Variants in WDR25 observed in about 807,000 individuals in gnomAD.
WDR25 encodes the protein WD repeat-containing protein 25.
A neutral mutation model predicts 47.7 loss-of-function variants in WDR25; 35 were observed. That is an observed-to-expected ratio of 0.73 (90% CI 0.56 to 0.97). The LOEUF is 0.97. Ranked by LOEUF, WDR25 falls within the 50% of genes least tolerant of loss-of-function variation. The pLI is 0.00. For missense variants in WDR25, 634 were observed against 704.7 expected (o/e 0.90, Z 1.14); for synonymous variants, 248 against 278.9 (o/e 0.89, Z 1.10).
intron 4 of WDR25, among the ~76,000 whole-genome samples, chr14:100,524,701 T>G (rs2030028509): frequency 6.6e-6 from 1 of 152,084 alleles, no homozygotes; most frequent in African/African-American, 2.4e-5. Context: ...AGCAGGAGAA[T>G]GAACCGTGGG....
At position 100,428,261 on chromosome 14, in the gene WDR25, T is replaced by C. The variant is rs982209839; in HGVS notation, c.823-39760T>C. Among the ~76,000 whole-genome samples, 1 of 152,240 alleles carries C rather than the reference T, an allele frequency of 6.6e-6. No individual in the cohort carries two copies. Among genetic ancestry groups the C allele is most frequent in the African/African-American group, 2.4e-5 (1 of 41,460 alleles). ...CCTCAGCCTATCTTGGGTCCCCCTC[T>C]GCCTACAGGCAGTGAGTGTGGCCTG... On this transcript the variant is annotated intron_variant, in intron 2 of 6. Coordinates refer to ENST00000402312, the MANE Select transcript of WDR25 (RefSeq NM_001161476.3). The surrounding 1 kb of genome is among the most constrained non-coding windows in gnomAD (Gnocchi z 4.3).
At chr14:100,415,040 G>A (rs1454731548) in intron 2 of WDR25, among the ~76,000 whole-genome samples, 2 of 152,196 alleles carry the variant, frequency 1.3e-5, no homozygotes, top group Non-Finnish European at 2.9e-5. Context: ...TGCTTGCTGA[G>A]GATGATGGGG....
intron 2 of WDR25, among the ~76,000 whole-genome samples, chr14:100,417,319 GC>G (rs1897897135): frequency 6.6e-6 from 1 of 152,258 alleles, no homozygotes. Context: ...CTTGGCACAT[GC>G]CACATGCTTT....
rs1226765543 is a variant in WDR25, at chr14:100,496,828, C to CTTTT, written c.1101+12725_1101+12728dup. Among the ~76,000 whole-genome samples, 460 of 73,408 alleles carry CTTTT rather than the reference C, an allele frequency of 6.3e-3. 12 individuals are homozygous for CTTTT. The highest frequency in any genetic ancestry group is 7.7e-3 in the East Asian group (15 of 1,944). The allele number at this position is 73,408 out of a possible 152,430, so 48.2% of individuals were successfully genotyped here. On this transcript the variant is annotated intron_variant, in intron 4 of 6. Coordinates refer to ENST00000402312, the MANE Select transcript of WDR25 (RefSeq NM_001161476.3). ...TTTCTTTTTCTTTTTTTCTTTAATT[C>CTTTT]TTTTTTTTTTTTTTTTTTTTTTTTG...
intron 3 of WDR25, among the ~76,000 whole-genome samples, chr14:100,470,521 C>G (rs894631274): frequency 6.6e-6 from 1 of 151,980 alleles, no homozygotes; most frequent in African/African-American, 2.4e-5. Flanking sequence ...GGTGTCTTGA[C>G]AGGGGGTTCT....
Position 100,448,887 on chromosome 14 carries a change from G to T in WDR25, c.823-19134G>T, listed in dbSNP as rs75234680. On this transcript the variant is annotated intron_variant, in intron 2 of 6. Transcript: ENST00000402312. Reference sequence around the variant, plus strand: ...CGGAAGGAGTGTCTCATGGGAGACAGGAGAGAAGAGTAGGAGCCAACCAGG... The same window carrying T: ...CGGAAGGAGTGTCTCATGGGAGACATGAGAGAAGAGTAGGAGCCAACCAGG... Among the ~76,000 whole-genome samples, 3 of 152,026 alleles carry T rather than the reference G, an allele frequency of 2.0e-5. No homozygotes were observed. The South Asian group carries it at 6.2e-4, about 32-fold the overall frequency.
intron 3 of WDR25, among the ~76,000 whole-genome samples, chr14:100,474,207 T>G (rs1680444523): frequency 6.6e-6 from 1 of 152,248 alleles, no homozygotes; most frequent in Admixed American, 6.5e-5. Context: ...CTGAAAGTGC[T>G]TCTCCTCTGG....
At chr14:100,458,281 T>A (rs184678167) in intron 2 of WDR25, among the ~76,000 whole-genome samples, 3 of 152,224 alleles carry the variant, frequency 2.0e-5, no homozygotes, top group African/African-American at 4.8e-5. Flanking sequence ...AGTACCAGGA[T>A]AAAGAGACTC....
At chr14:100,480,546 TC>T (rs144660751) in intron 3 of WDR25, among the ~76,000 whole-genome samples, 356 of 152,342 alleles carry the variant, frequency 2.3e-3, no homozygotes, top group African/African-American at 8.2e-3. Context: ...GTAACTACTT[TC>T]TAAAAAATTT....
chr14:100,508,087 G>T (rs923151071), intron 4 of WDR25, among the ~76,000 whole-genome samples: 1 of 152,080 alleles, frequency 6.6e-6, no homozygotes, highest in Non-Finnish European at 1.5e-5. Context: ...GATCAAGTAG[G>T]CTTCATTCCT....
chr14:100,519,239 TG>T (rs991358666), intron 4 of WDR25, among the ~76,000 whole-genome samples: 24 of 150,268 alleles, frequency 1.6e-4, no homozygotes, highest in Admixed American at 7.2e-4. Flanking sequence ...AGAGTTTTTT[TG>T]TGTGTGTGTG....
chr14:100,381,183 G>A lies in WDR25; in HGVS notation c.259G>A (p.Asp87Asn). The stretch of plus-strand genomic sequence containing the variant: ...TCCATTGGCTCAGCTTGGGAGAAGC[G>A]ATTGGGGATCTTGCCCCAGCCAGAG... ...RLPLAQLGRSDWGSCPSQRLQ... is the reference protein window; with the variant it reads ...RLPLAQLGRSNWGSCPSQRLQ... The change falls in exon 2 of 7, where the codon GAT becomes AAT. Residue 87 changes from aspartate to asparagine, a missense_variant. By Grantham distance (23) the Asp-to-Asn change is conservative. Transcript: ENST00000402312. The A allele has an allele frequency of 8.1e-6, 13 of 1,614,154 alleles. No individual in the cohort carries two copies. Among genetic ancestry groups the A allele is most frequent in the Non-Finnish European group, 1.0e-5 (12 of 1,180,026 alleles).
chr14:100,434,054 C>T (rs1004123037), intron 2 of WDR25, among the ~76,000 whole-genome samples: 1 of 149,000 alleles, frequency 6.7e-6, no homozygotes, highest in Non-Finnish European at 1.5e-5. Context: ...AGTGAAAAGC[C>T]GTTTCTACAA....
chr14:100,494,835 G>C (rs1449291831), intron 4 of WDR25, among the ~76,000 whole-genome samples: 2 of 152,168 alleles, frequency 1.3e-5, no homozygotes, highest in African/African-American at 4.8e-5. Flanking sequence ...AAACCCAGCA[G>C]GTTAGACTCT....
At position 100,404,643 on chromosome 14, in the gene WDR25, G is replaced by A. The variant is rs958151358; in HGVS notation, c.822+22897G>A. Among the ~76,000 whole-genome samples the A allele has an allele frequency of 5.9e-5, 9 of 152,122 alleles. No homozygotes were observed. The highest frequency in any genetic ancestry group is 1.9e-4 in the East Asian group (1 of 5,188). ...GCATAGGGTCCGCTGGAGGCCTGGCGTTCCCATGGGGCTCACTGTGTGTGC... is the reference window on the plus strand; with the variant it reads ...GCATAGGGTCCGCTGGAGGCCTGGCATTCCCATGGGGCTCACTGTGTGTGC... On this transcript the variant is annotated intron_variant, in intron 2 of 6. Coordinates refer to ENST00000402312, the MANE Select transcript of WDR25 (RefSeq NM_001161476.3). The surrounding 1 kb of genome is among the most constrained non-coding windows in gnomAD (Gnocchi z 4.6).
intron 2 of WDR25, among the ~76,000 whole-genome samples, chr14:100,443,953 G>A (rs1172469253): frequency 5.3e-5 from 8 of 152,146 alleles, no homozygotes; most frequent in South Asian, 2.1e-4. Flanking sequence ...TCTGTTTTGC[G>A]GCTTAGGATC....
At chr14:100,400,475 A>T (rs2140170181) in intron 2 of WDR25, among the ~76,000 whole-genome samples, 2 of 152,378 alleles carry the variant, frequency 1.3e-5, no homozygotes, top group South Asian at 4.1e-4. Flanking sequence ...ATAGCCCAGC[A>T]AGGAAGAGTT....
At chr14:100,507,764 A>G (rs1184582550) in intron 4 of WDR25, among the ~76,000 whole-genome samples, 1 of 151,886 alleles carries the variant, frequency 6.6e-6, no homozygotes, top group African/African-American at 2.4e-5. Flanking sequence ...ATTTTTACAC[A>G]TTGAATTTTT....
chr14:100,528,427 C>G (rs113350693), intron 5 of WDR25, among the ~76,000 whole-genome samples: 2,624 of 120,022 alleles, frequency 0.022, 73 homozygotes, highest in African/African-American at 0.1. Flanking sequence ...CCCTTTGTTT[C>G]TTTCTTTCTT....
Sources: gnomAD v4.1 joint callset for allele counts (sites outside exome capture counted in the v4.1 genomes callset) on GRCh38, gnomAD v4.1.1 for gene constraint, Gnocchi (gnomAD v3.1) non-coding constraint, MANE v1.5 for transcripts, NCBI Gene and HGNC (gene_info 2026-07-23, HGNC 2026-07-21) for gene names.